Variants in PTPRR observed in about 807,000 individuals in gnomAD.
The protein encoded by PTPRR is receptor-type tyrosine-protein phosphatase R.
PTPRR carries 38 observed loss-of-function variants against 77.2 expected under a neutral mutation model. That is an observed-to-expected ratio of 0.49 (90% CI 0.38 to 0.65). PTPRR has a LOEUF of 0.65. Among genes scored for constraint, PTPRR ranks in the 30% least tolerant of loss-of-function variants. The pLI is 0.00. For missense variants in PTPRR, 744 were observed against 799.2 expected, an observed-to-expected ratio of 0.93 and a Z score of 0.83; for synonymous variants, 299 against 283.1, an observed-to-expected ratio of 1.06 and a Z score of -0.57.
intron 6 of PTPRR, among the ~76,000 whole-genome samples, chr12:70,738,932 A>C (rs1465700000): frequency 6.6e-6 from 1 of 152,224 alleles, no homozygotes; most frequent in Non-Finnish European, 1.5e-5. Context: ...CAAGTGTTTG[A>C]ATTTGTACCT....
chr12:70,668,567 T>C (rs2136690588), intron 10 of PTPRR, among the ~76,000 whole-genome samples: 1 of 152,352 alleles, frequency 6.6e-6, no homozygotes, highest in African/African-American at 2.4e-5. Context: ...TTTCATTTTA[T>C]GCATTTAGAA....
intron 2 of PTPRR, among the ~76,000 whole-genome samples, chr12:70,846,824 A>G (rs996592343): frequency 6.6e-6 from 1 of 152,164 alleles, no homozygotes; most frequent in African/African-American, 2.4e-5. Flanking sequence ...TACTTGGTTT[A>G]GTGTATTTCA....
intron 13 of PTPRR, among the ~76,000 whole-genome samples, chr12:70,643,346 G>T (rs1886078563): frequency 6.6e-6 from 1 of 151,462 alleles, no homozygotes; most frequent in African/African-American, 2.4e-5. Flanking sequence ...TGTTTGTTTT[G>T]TTTTTTAAGA....
At chr12:70,701,597 A>C (rs1450113443) in intron 6 of PTPRR, among the ~76,000 whole-genome samples, 1 of 152,182 alleles carries the variant, frequency 6.6e-6, no homozygotes, top group African/African-American at 2.4e-5. Context: ...AGGTTGGCTA[A>C]TAATATTAAG....
At chr12:70,656,865 G>T in intron 12 of PTPRR, 48 bp from the exon 13 acceptor site, 1 of 1,266,420 alleles carries the variant, frequency 7.9e-7, no homozygotes, top group Non-Finnish European at 1.1e-6. Context: ...AAATGACAAA[G>T]ATAAGAAACA....
intron 13 of PTPRR, 129 bp from the exon 14 acceptor site, chr12:70,639,406 G>C (rs1885912151): frequency 7.2e-7 from 1 of 1,388,342 alleles, no homozygotes; most frequent in Non-Finnish European, 9.6e-7. Context: ...TGGTTCTTTT[G>C]TTATCCCTCT....
At chr12:70,811,911 A>T (rs1891814670) in intron 2 of PTPRR, among the ~76,000 whole-genome samples, 1 of 152,220 alleles carries the variant, frequency 6.6e-6, no homozygotes, top group Non-Finnish European at 1.5e-5. Flanking sequence ...CCAATTAAGC[A>T]AAATTTTAAT....
At chr12:70,801,847 A>G (rs1353529385) in intron 2 of PTPRR, among the ~76,000 whole-genome samples, 2 of 152,194 alleles carry the variant, frequency 1.3e-5, no homozygotes, top group South Asian at 2.1e-4. Flanking sequence ...TCCATCTAAT[A>G]TTACTGGCAA....
chr12:70,903,265 A>G (rs1049590903), intron 1 of PTPRR, among the ~76,000 whole-genome samples: 1 of 151,880 alleles, frequency 6.6e-6, no homozygotes, highest in East Asian at 1.9e-4. Flanking sequence ...GTCTCACCAC[A>G]AAAATGCTAA....
chr12:70,880,188 C>T (rs938829039), intron 2 of PTPRR, among the ~76,000 whole-genome samples: 4 of 152,074 alleles, frequency 2.6e-5, no homozygotes, highest in Admixed American at 2.6e-4. Context: ...AAGAGTGATG[C>T]TAAATGCTTT....
intron 13 of PTPRR, among the ~76,000 whole-genome samples, chr12:70,654,444 A>T (rs1296870956): frequency 6.6e-6 from 1 of 152,114 alleles, no homozygotes; most frequent in Non-Finnish European, 1.5e-5. Context: ...TGAGTGTGGC[A>T]CACGCTTGTA....
chr12:70,710,840 C>A (rs1359088085), intron 6 of PTPRR, among the ~76,000 whole-genome samples: 1 of 151,986 alleles, frequency 6.6e-6, no homozygotes, highest in African/African-American at 2.4e-5. Flanking sequence ...AAATCAAAAC[C>A]ATAATGAGAT....
At chr12:70,701,040 G>T in intron 7 of PTPRR, 97 bp downstream of exon 7, 2 of 1,277,690 alleles carry the variant, frequency 1.6e-6, no homozygotes, top group South Asian at 1.4e-5. Flanking sequence ...GTTTACTGTA[G>T]ACTGCTTAAG....
At chr12:70,706,274 A>T (rs1163435916) in intron 6 of PTPRR, among the ~76,000 whole-genome samples, 1 of 152,204 alleles carries the variant, frequency 6.6e-6, no homozygotes, top group African/African-American at 2.4e-5. Context: ...CACTTGAAAG[A>T]TGATAGGATA....
At chr12:70,676,911 G>A (rs540022767) in intron 10 of PTPRR, among the ~76,000 whole-genome samples, 38 of 148,274 alleles carry the variant, frequency 2.6e-4, no homozygotes, top group Non-Finnish European at 4.6e-4. Flanking sequence ...ATCTTTTGTC[G>A]CTTCATACAA....
rs184341239 is a variant in PTPRR, at chr12:70,886,370, T to C, written c.357+6309A>G. 3.7e-3 allele frequency among the ~76,000 whole-genome samples: 571 copies of C among 152,356 alleles called. 4 individuals are homozygous for C. The highest frequency in any genetic ancestry group is 0.013 in the African/African-American group (536 of 41,588). ...TATAATTTAATAGGAAGCATTAACA[T>C]TAAGTTAAGAGCAGAACAAAAGTTC... is the stretch of plus-strand genomic sequence containing the variant. On this transcript the variant is annotated intron_variant, in intron 2 of 13. Coordinates refer to ENST00000283228, the MANE Select transcript of PTPRR (RefSeq NM_002849.4).
chr12:70,692,321 T>C (rs1240738625), intron 8 of PTPRR, among the ~76,000 whole-genome samples: 1 of 152,098 alleles, frequency 6.6e-6, no homozygotes, highest in African/African-American at 2.4e-5. Flanking sequence ...TCTGAGGTGA[T>C]GAAAATATTA....
chr12:70,771,386 G>T (rs1890973304), intron 2 of PTPRR, among the ~76,000 whole-genome samples: 1 of 151,950 alleles, frequency 6.6e-6, no homozygotes, highest in Non-Finnish European at 1.5e-5. Flanking sequence ...ATGGACACTG[G>T]AGACTGCTAG....
At chr12:70,737,294 C>T (rs1889894063) in intron 6 of PTPRR, among the ~76,000 whole-genome samples, 2 of 152,016 alleles carry the variant, frequency 1.3e-5, no homozygotes, top group African/African-American at 4.8e-5. Context: ...CTCTGTTCTG[C>T]TTGCCCTGCT....
Sources: gnomAD v4.1 joint callset for allele counts (sites outside exome capture counted in the v4.1 genomes callset) on GRCh38, gnomAD v4.1.1 for gene constraint, MANE v1.5 for transcripts, NCBI Gene and HGNC (gene_info 2026-07-23, HGNC 2026-07-21) for gene names.